Variants in TTLL5 observed in about 807,000 individuals in gnomAD.
TTLL5 encodes the protein tubulin polyglutamylase TTLL5.
Under a neutral mutation model 168.4 loss-of-function variants are expected in TTLL5, and 132 were observed. That is an observed-to-expected ratio of 0.78 (90% confidence interval 0.68 to 0.91). The LOEUF (loss-of-function observed/expected upper bound fraction) is 0.91. Among genes scored for constraint, TTLL5 ranks in the 40% least tolerant of loss-of-function variants. TTLL5 has a pLI of 0.00. For missense variants in TTLL5, 1,545 were observed against 1,581.5 expected (o/e 0.98, Z 0.39); for synonymous variants, 546 against 558.6 (o/e 0.98, Z 0.32).
intron 18 of TTLL5, among the ~76,000 whole-genome samples, chr14:75,755,346 T>C (rs1890186697): frequency 6.6e-6 from 1 of 152,100 alleles, no homozygotes; most frequent in South Asian, 2.1e-4. Context: ...CTACCCATGC[T>C]TACCTTTTTA....
chr14:75,878,488 C>G (rs567844596), intron 29 of TTLL5, among the ~76,000 whole-genome samples: 2 of 152,076 alleles, frequency 1.3e-5, no homozygotes, highest in Non-Finnish European at 2.9e-5. Context: ...CCGAGTCTGC[C>G]CATTTAAAGA....
chr14:75,883,315 G>A (rs1213616798), intron 30 of TTLL5, among the ~76,000 whole-genome samples: 1 of 152,212 alleles, frequency 6.6e-6, no homozygotes, highest in African/African-American at 2.4e-5. Flanking sequence ...ACCTTTTGTA[G>A]TCTACCTGTT....
rs1475793657 is a variant in TTLL5, at chr14:75,954,950, AAG to A, written c.*507_*508del. The A allele has an allele frequency of 6.5e-6, 1 of 153,462 alleles. No homozygotes were observed. The highest frequency in any genetic ancestry group is 6.5e-5 in the Admixed American group (1 of 15,456). The allele number at this position is 153,462 out of a possible 1,614,324, so 9.5% of individuals were successfully genotyped here. ...TCCCTTTTCGGAGGATCTAGGGGGA[AAG>A]AGGAGCATTCATCACAAGTTTCCTA... On this transcript the variant is annotated 3_prime_UTR_variant, in exon 32 of 32. Coordinates refer to ENST00000298832, the MANE Select transcript of TTLL5 (RefSeq NM_015072.5).
intron 28 of TTLL5, among the ~76,000 whole-genome samples, chr14:75,853,947 G>A (rs1199247586): frequency 2.0e-5 from 3 of 152,064 alleles, no homozygotes; most frequent in Non-Finnish European, 4.4e-5. Context: ...AAGAGGCTGA[G>A]GCATGAGAAC....
intron 12 of TTLL5, among the ~76,000 whole-genome samples, chr14:75,722,643 A>AT (rs925160429): frequency 1.4e-4 from 21 of 147,970 alleles, no homozygotes; most frequent in Admixed American, 5.4e-4. Flanking sequence ...CCCTTTTTAA[A>AT]TTTTTTTTTT....
intron 29 of TTLL5, among the ~76,000 whole-genome samples, chr14:75,871,776 G>A (rs1347671511): frequency 1.3e-5 from 2 of 152,150 alleles, no homozygotes; most frequent in Non-Finnish European, 2.9e-5. Flanking sequence ...GTGGCAGCCA[G>A]GGGAAAAATA....
At chr14:75,887,649 C>T (rs2032187442) in intron 30 of TTLL5, among the ~76,000 whole-genome samples, 1 of 152,158 alleles carries the variant, frequency 6.6e-6, no homozygotes, top group Non-Finnish European at 1.5e-5. Context: ...ACTTATATGA[C>T]CCGCTGTGCT....
At chr14:75,945,118 G>A (rs2034727782) in intron 31 of TTLL5, among the ~76,000 whole-genome samples, 1 of 151,362 alleles carries the variant, frequency 6.6e-6, no homozygotes, top group Non-Finnish European at 1.5e-5. Flanking sequence ...CCTCATACTT[G>A]ATCTCTCAAG....
chr14:75,787,855 C>T (rs1160835912), intron 26 of TTLL5, among the ~76,000 whole-genome samples: 1 of 152,106 alleles, frequency 6.6e-6, no homozygotes, highest in Non-Finnish European at 1.5e-5. Context: ...GAAGAAACCC[C>T]CATGTATTTC....
intron 10 of TTLL5, among the ~76,000 whole-genome samples, chr14:75,719,155 T>C (rs1343643014): frequency 6.6e-6 from 1 of 152,192 alleles, no homozygotes; most frequent in East Asian, 1.9e-4. Flanking sequence ...CTCCTCACTC[T>C]TACTGTCACT....
In TTLL5 at chr14:75,727,845, G is replaced by A. The variant is rs79781322; in HGVS notation, c.1043-4493G>A. 6.6e-3 allele frequency: 3,339 copies of A among 503,588 alleles called. 77 individuals are homozygous for A. Among genetic ancestry groups the A allele is most frequent in the African/African-American group, 0.052 (2,717 of 51,838 alleles). The allele number at this position is 503,588 out of a possible 1,614,324, so 31.2% of individuals were successfully genotyped here. On this transcript the variant is annotated intron_variant, in intron 12 of 31. Transcript: ENST00000298832. ...TGTGATGAAAGAAATAAGACTAGTC[G>A]TTGTCAGGGATGGGGGAAAGGGCAG...
intron 31 of TTLL5, among the ~76,000 whole-genome samples, chr14:75,934,448 T>C (rs2034373873): frequency 6.6e-6 from 1 of 152,240 alleles, no homozygotes; most frequent in Non-Finnish European, 1.5e-5. Context: ...TATACTCTCA[T>C]TCTGTGAACC....
At chr14:75,932,392 T>C (rs1264647706) in intron 31 of TTLL5, among the ~76,000 whole-genome samples, 2 of 152,230 alleles carry the variant, frequency 1.3e-5, no homozygotes, top group Non-Finnish European at 2.9e-5. Context: ...TCATTTAGAA[T>C]TGACTCAGTA....
chr14:75,843,209 C>G (rs1896351054), intron 28 of TTLL5, among the ~76,000 whole-genome samples: 1 of 152,184 alleles, frequency 6.6e-6, no homozygotes, highest in Non-Finnish European at 1.5e-5. Context: ...GTCTGAAGCC[C>G]TCCTAGATGC....
chr14:75,914,033 A>AAAATATATATATAT, intron 31 of TTLL5, among the ~76,000 whole-genome samples: 6 of 71,096 alleles, frequency 8.4e-5, no homozygotes, highest in Non-Finnish European at 8.3e-5. Context: ...AAAAAAAAAA[A>AAAATATATATATAT]ATATATATAT....
intron 28 of TTLL5, among the ~76,000 whole-genome samples, chr14:75,862,993 C>T (rs1041179720): frequency 5.9e-5 from 9 of 152,098 alleles, no homozygotes; most frequent in African/African-American, 2.2e-4. Context: ...AAGTATTTAA[C>T]AAATACTATA....
rs191746725 is a variant in TTLL5 at position 75,827,071 on chromosome 14, A to G, written c.3326+6910A>G. On this transcript the variant is annotated intron_variant, in intron 28 of 31. Coordinates refer to ENST00000298832, the MANE Select transcript of TTLL5 (RefSeq NM_015072.5). ...TGTATTTATGCTTTCATAAAATAAA[A>G]CTATAGAACTATATATCTGCAAAGG... 1.8e-3 allele frequency among the ~76,000 whole-genome samples: 272 copies of G among 152,348 alleles called. 1 individual carries two copies. Among genetic ancestry groups the G allele is most frequent in the African/African-American group, 6.3e-3 (262 of 41,588 alleles).
At chr14:75,746,667 A>G (rs1889636291) in intron 17 of TTLL5, among the ~76,000 whole-genome samples, 1 of 149,794 alleles carries the variant, frequency 6.7e-6, no homozygotes, top group Admixed American at 6.7e-5. Flanking sequence ...ACTTCAAGCT[A>G]TCCTGCCACC....
At chr14:75,792,377 A>G (rs1218363098) in intron 26 of TTLL5, among the ~76,000 whole-genome samples, 2 of 151,936 alleles carry the variant, frequency 1.3e-5, no homozygotes, top group Non-Finnish European at 2.9e-5. Context: ...TATAATAATA[A>G]TAAAAAAGAA....
Sources: allele counts gnomAD v4.1 joint callset (sites outside exome capture counted in the v4.1 genomes callset), GRCh38; gene constraint gnomAD v4.1.1; transcripts MANE v1.5; gene names NCBI Gene and HGNC (gene_info 2026-07-23, HGNC 2026-07-21).